The following SCD5 variants were observed in gnomAD, a reference collection of about 807,000 sequenced individuals.
SCD5 encodes the protein acyl-CoA-desaturase 4.
SCD5 carries 20 observed loss-of-function variants against 30.4 expected under a neutral mutation model. The ratio of observed to expected loss-of-function variants is 0.66; its 90% CI spans 0.46 to 0.96. SCD5 has a LOEUF of 0.96. Ranked by LOEUF, SCD5 falls within the 40% of genes least tolerant of loss-of-function variation. The pLI is 0.00. For synonymous variants in SCD5, 173 were observed against 176.4 expected, an observed-to-expected ratio of 0.98 and a Z score of 0.16; for missense variants, 381 against 443.3, an observed-to-expected ratio of 0.86 and a Z score of 1.26.
chr4:82,794,979 A>G (rs958786164), intron 1 of SCD5, among the ~76,000 whole-genome samples: 9 of 152,032 alleles, frequency 5.9e-5, no homozygotes, highest in African/African-American at 2.2e-4. Context: ...TCATGAACGC[A>G]TTGCTGAGGA....
chr4:82,682,872 G>A (rs1200615353), intron 2 of SCD5, among the ~76,000 whole-genome samples: 1 of 152,146 alleles, frequency 6.6e-6, no homozygotes, highest in Non-Finnish European at 1.5e-5. Flanking sequence ...CTGGAGTACA[G>A]TGGTGTGATC....
At chr4:82,657,726 C>T (rs1302513330) in intron 3 of SCD5, among the ~76,000 whole-genome samples, 1 of 152,126 alleles carries the variant, frequency 6.6e-6, no homozygotes, top group Non-Finnish European at 1.5e-5. Context: ...TCTTTCTATC[C>T]ATGAACATGG....
chr4:82,660,761 G>A, intron 3 of SCD5: 1 of 1,548,248 alleles, frequency 6.5e-7, no homozygotes, highest in Non-Finnish European at 8.7e-7. Flanking sequence ...TGTTAGCACA[G>A]ACTGCAGCTC....
At chr4:82,677,078 C>T (rs774841330) in intron 3 of SCD5, among the ~76,000 whole-genome samples, 1 of 152,226 alleles carries the variant, frequency 6.6e-6, no homozygotes, top group African/African-American at 2.4e-5. Flanking sequence ...AAAAGTTTAT[C>T]AATCAACTGC....
Position 82,775,174 on chromosome 4 carries a change from T to C in SCD5, c.232+23132A>G, listed in dbSNP as rs115370146. Among the ~76,000 whole-genome samples, 692 of 152,312 alleles carry C rather than the reference T, an allele frequency of 4.5e-3. 6 individuals carry two copies. The highest frequency in any genetic ancestry group is 0.016 in the African/African-American group (656 of 41,568). ...GCTGCTGGGAAAGAGGTGGCAAGCA[T>C]TGGTCAGGATGAGTTTGTGGATATC... is the stretch of plus-strand genomic sequence containing the variant. On this transcript the variant is annotated intron_variant, in intron 1 of 4. Coordinates refer to ENST00000319540, the MANE Select transcript of SCD5 (RefSeq NM_001037582.3).
intron 3 of SCD5, among the ~76,000 whole-genome samples, chr4:82,663,415 G>C (rs944364464): frequency 2.6e-5 from 4 of 152,162 alleles, no homozygotes; most frequent in African/African-American, 9.7e-5. Context: ...TTGGGGACAG[G>C]GTAGAGTGGA....
At chr4:82,721,428 A>C (rs1469090275) in intron 1 of SCD5, among the ~76,000 whole-genome samples, 2 of 152,188 alleles carry the variant, frequency 1.3e-5, no homozygotes, top group African/African-American at 2.4e-5. Flanking sequence ...AAGAATCACA[A>C]TTGTGTCCCC....
At chr4:82,713,740 A>G (rs1052299407) in intron 1 of SCD5, among the ~76,000 whole-genome samples, 1 of 152,174 alleles carries the variant, frequency 6.6e-6, no homozygotes, top group East Asian at 1.9e-4. Context: ...AATCATGACC[A>G]CTAACCTCAA....
chr4:82,686,322 A>G (rs539429309), intron 2 of SCD5, among the ~76,000 whole-genome samples: 87 of 152,244 alleles, frequency 5.7e-4, no homozygotes, highest in African/African-American at 2.0e-3. Flanking sequence ...ACGCTTTTCA[A>G]TGTGTGCATT....
chr4:82,798,312 G>A lies in SCD5; in HGVS notation c.226C>T (p.Leu76Phe). The A allele has an allele frequency of 6.2e-7, 1 of 1,609,374 alleles. No homozygotes were observed. Among genetic ancestry groups the A allele is most frequent in the Non-Finnish European group, 8.5e-7 (1 of 1,178,242 alleles). The change falls in exon 1 of 5, where the codon CTC becomes TTC. Residue 76 changes from leucine (L) to phenylalanine (F), a missense_variant. Physicochemically the swap from Leu to Phe is conservative, Grantham distance 22. Coordinates refer to ENST00000319540, the MANE Select transcript of SCD5 (RefSeq NM_001037582.3). ...GGGCGCCGGCGGGACTTACCCCAGA[G>A]CAGAGTGAGTGGCTTGGCTTTGGGG... ...LIPKAKPLTL[L>F]WAYFCFLLAA... is the part of the protein sequence containing the mutation.
At chr4:82,760,905 A>G (rs1347013614) in intron 1 of SCD5, among the ~76,000 whole-genome samples, 1 of 152,146 alleles carries the variant, frequency 6.6e-6, no homozygotes, top group Non-Finnish European at 1.5e-5. Context: ...AACACCTAAC[A>G]CAGTGCCCTG....
intron 3 of SCD5, among the ~76,000 whole-genome samples, chr4:82,675,259 C>CA (rs1162571205): frequency 6.6e-6 from 1 of 152,088 alleles, no homozygotes; most frequent in Non-Finnish European, 1.5e-5. Flanking sequence ...ACCTTCCTCT[C>CA]AATTTTGCTA....
chr4:82,673,801 C>G (rs1728379668), intron 3 of SCD5, among the ~76,000 whole-genome samples: 1 of 152,144 alleles, frequency 6.6e-6, no homozygotes, highest in Admixed American at 6.5e-5. Flanking sequence ...GGCACAAGAA[C>G]AGACTAATTG....
At chr4:82,657,190 G>A (rs1727883557) in intron 3 of SCD5, among the ~76,000 whole-genome samples, 1 of 152,122 alleles carries the variant, frequency 6.6e-6, no homozygotes, top group South Asian at 2.1e-4. Flanking sequence ...TGTCCTGAAT[G>A]GTATTGCTTA....
intron 2 of SCD5, among the ~76,000 whole-genome samples, chr4:82,681,466 G>T (rs1339134618): frequency 2.0e-5 from 3 of 152,094 alleles, no homozygotes; most frequent in Admixed American, 2.0e-4. Context: ...TTGAATGGTT[G>T]TTCTGTCCAG....
At chr4:82,789,703 G>A (rs1722060577) in intron 1 of SCD5, among the ~76,000 whole-genome samples, 1 of 152,190 alleles carries the variant, frequency 6.6e-6, no homozygotes, top group Non-Finnish European at 1.5e-5. Flanking sequence ...AGGCCCTGCA[G>A]TAGCCCCAAC....
chr4:82,794,011 A>T (rs964279630), intron 1 of SCD5, among the ~76,000 whole-genome samples: 4 of 152,184 alleles, frequency 2.6e-5, no homozygotes, highest in African/African-American at 9.7e-5. Context: ...CCAACGGAAG[A>T]CAGCTCATCT....
chr4:82,660,915 C>A (rs371708814), intron 3 of SCD5: 9 of 1,613,988 alleles, frequency 5.6e-6, no homozygotes, highest in Non-Finnish European at 7.6e-6. Flanking sequence ...CACGCAGCAT[C>A]AAGCAGCACT....
intron 3 of SCD5, among the ~76,000 whole-genome samples, chr4:82,646,030 G>T (rs148499094): frequency 2.0e-4 from 31 of 152,260 alleles, no homozygotes; most frequent in East Asian, 5.8e-4. Flanking sequence ...GAGCATGAAG[G>T]GGGGGAAATG....
Sources: allele counts gnomAD v4.1 joint callset (sites outside exome capture counted in the v4.1 genomes callset), GRCh38; gene constraint gnomAD v4.1.1; transcripts MANE v1.5; gene names NCBI Gene and HGNC (gene_info 2026-07-23, HGNC 2026-07-21).